The following PCDHGB5 variants were observed in gnomAD, a reference collection of about 807,000 sequenced individuals.
PCDHGB5 encodes the protein protocadherin gamma-B5.
Under a neutral mutation model 62.9 loss-of-function variants are expected in PCDHGB5, and 48 were observed. The observed-to-expected ratio is 0.76, with a 90% confidence interval of 0.61 to 0.97. The LOEUF (loss-of-function observed/expected upper bound fraction) is 0.97, where lower values mean the gene tolerates loss of function less well. PCDHGB5 is among the 50% of genes least tolerant of loss of function. The pLI is 0.00. For synonymous variants in PCDHGB5, 474 were observed against 511.2 expected (o/e 0.93, Z 0.98); for missense variants, 1,118 against 1,198.6 (o/e 0.93, Z 0.99).
intron 3 of PCDHGB5, among the ~76,000 whole-genome samples, chr5:141,509,766 G>A (rs1176830940): frequency 6.6e-6 from 1 of 152,104 alleles, no homozygotes; most frequent in Non-Finnish European, 1.5e-5. Flanking sequence ...TCCCTGAGAT[G>A]TCTAGTCCCC....
intron 1 of PCDHGB5, among the ~76,000 whole-genome samples, chr5:141,481,913 C>CAAAA (rs34114744): frequency 1.1e-5 from 1 of 90,846 alleles, no homozygotes; most frequent in African/African-American, 4.2e-5. Context: ...AACTCCATCT[C>CAAAA]AAAAAAAAAA....
At position 141,490,524 on chromosome 5, in the gene PCDHGB5, T is replaced by C. The variant is rs1197866164; in HGVS notation, c.2398-4283T>C. The C allele has an allele frequency of 1.2e-6, 2 of 1,613,990 alleles. No homozygotes were observed. Among genetic ancestry groups the C allele is most frequent in the Non-Finnish European group, 1.7e-6 (2 of 1,180,018 alleles). On this transcript the variant is annotated intron_variant, in intron 1 of 3. Transcript: ENST00000617380. The surrounding 1 kb of genome is among the most constrained non-coding windows in gnomAD (Gnocchi z 5.4). ...ATATCATCGAGCTGCTGGCCAGCGA[T>C]GCTGGTTCACCTTCCCTACACAAAC...
rs780836649 is a variant in PCDHGB5 at position 141,414,681 on chromosome 5, G to C, written c.2397+14157G>C. 38 of 1,613,836 alleles carry C rather than the reference G, an allele frequency of 2.4e-5. 1 individual carries two copies. The East Asian group carries it at 8.5e-4, about 36-fold the overall frequency. ...CCCTGGCTGAAGACACCATCCAGGG[G>C]GTACCTCTGTCCTCATACATATCCA... On this transcript the variant is annotated intron_variant, in intron 1 of 3. Coordinates refer to ENST00000617380, the MANE Select transcript of PCDHGB5 (RefSeq NM_018925.3).
chr5:141,445,115 A>G (rs1038787011), intron 1 of PCDHGB5, among the ~76,000 whole-genome samples: 1 of 152,308 alleles, frequency 6.6e-6, no homozygotes, highest in East Asian at 1.9e-4. Flanking sequence ...GTTATTGTAA[A>G]TAGTATTTTT....
At chr5:141,510,845 C>T (rs2099883036) in intron 3 of PCDHGB5, 102 bp from the exon 4 acceptor site, 3 of 1,593,960 alleles carry the variant, frequency 1.9e-6, no homozygotes, top group Non-Finnish European at 2.6e-6. Context: ...TGGTCAAGGC[C>T]CAGGGTGCTG....
In PCDHGB5 at chr5:141,487,107, T is replaced by C. The variant is rs1193091014; in HGVS notation, c.2398-7700T>C. 6.2e-7 allele frequency: 1 copy of C among 1,613,926 alleles called. No individual in the cohort carries two copies. The highest frequency in any genetic ancestry group is 8.5e-7 in the Non-Finnish European group (1 of 1,179,782). On this transcript the variant is annotated intron_variant, in intron 1 of 3. Transcript: ENST00000617380. This position sits in a 1 kb window ranked among gnomAD's most constrained non-coding sequence, Gnocchi z 5.0. ...GACCTCCCACCACAGAAGCTGGTCA[T>C]TGTGGTAAAGGATAGTGGTAGTCCA...
chr5:141,410,180 C>G (rs776702898), intron 1 of PCDHGB5: 43 of 1,613,802 alleles, frequency 2.7e-5, no homozygotes, highest in Non-Finnish European at 3.4e-5. Context: ...CACCGCCACG[C>G]TTCATCTGGT....
At chr5:141,509,077 C>A (rs1371396735) in intron 3 of PCDHGB5, among the ~76,000 whole-genome samples, 3 of 152,242 alleles carry the variant, frequency 2.0e-5, no homozygotes, top group Admixed American at 2.0e-4. Flanking sequence ...CGGGGATTTG[C>A]GACATGAAAT....
At position 141,490,819 on chromosome 5, in the gene PCDHGB5, C is replaced by T; in HGVS notation, c.2398-3988C>T. Reference sequence around the variant, plus strand: ...CCAGCGTACCTTTGACTATGAATTGCTGCAGATGCTGCAGATTGTGGTGGG... The same window carrying T: ...CCAGCGTACCTTTGACTATGAATTGTTGCAGATGCTGCAGATTGTGGTGGG... On this transcript the variant is annotated intron_variant, in intron 1 of 3. Transcript: ENST00000617380. This position sits in a 1 kb window ranked among gnomAD's most constrained non-coding sequence, Gnocchi z 5.4. 2 of 1,613,842 alleles carry T rather than the reference C, an allele frequency of 1.2e-6. No individual in the cohort carries two copies. Among genetic ancestry groups the T allele is most frequent in the Non-Finnish European group, 8.5e-7 (1 of 1,179,804 alleles).
intron 1 of PCDHGB5, among the ~76,000 whole-genome samples, chr5:141,446,394 A>C (rs796472404): frequency 1.1e-4 from 17 of 152,344 alleles, no homozygotes; most frequent in African/African-American, 3.4e-4. Context: ...ATTTAAGAGA[A>C]ATCGAGTTGA....
At chr5:141,502,483 G>A (rs773081419) in intron 2 of PCDHGB5, among the ~76,000 whole-genome samples, 42 of 152,144 alleles carry the variant, frequency 2.8e-4, no homozygotes, top group Non-Finnish European at 4.7e-4. Context: ...GCATCACACT[G>A]GGACTCATCT....
At chr5:141,426,925 A>G in intron 1 of PCDHGB5, 1 of 456,756 alleles carries the variant, frequency 2.2e-6, no homozygotes, top group Non-Finnish European at 4.4e-6. Flanking sequence ...GAAGCAATGG[A>G]CATGGGTGAC....
chr5:141,463,548 A>C (rs2099063677), intron 1 of PCDHGB5, among the ~76,000 whole-genome samples: 1 of 140,798 alleles, frequency 7.1e-6, no homozygotes, highest in Non-Finnish European at 1.5e-5. Context: ...TCCCGGGTTC[A>C]TGCCATTCTC....
At chr5:141,461,312 C>T (rs1318872213) in intron 1 of PCDHGB5, among the ~76,000 whole-genome samples, 1 of 152,064 alleles carries the variant, frequency 6.6e-6, no homozygotes, top group African/African-American at 2.4e-5. Flanking sequence ...TGTTTTTTGA[C>T]TTTTTAATAA....
intron 1 of PCDHGB5, chr5:141,414,180 A>T: frequency 6.2e-7 from 1 of 1,608,986 alleles, no homozygotes; most frequent in Non-Finnish European, 8.5e-7. Context: ...TTGCAACTGC[A>T]AAAGTGTTGA....
intron 1 of PCDHGB5, chr5:141,426,946 C>A (rs565370434): frequency 2.2e-6 from 1 of 456,786 alleles, no homozygotes; most frequent in South Asian, 1.5e-5. Flanking sequence ...CCAGTCCCAA[C>A]TGGCACTGCT....
intron 2 of PCDHGB5, among the ~76,000 whole-genome samples, chr5:141,501,159 C>G (rs1475164887): frequency 6.6e-6 from 1 of 152,096 alleles, no homozygotes; most frequent in East Asian, 1.9e-4. Context: ...GAGCCACCAT[C>G]CCCAGCCTCA....
At chr5:141,483,801 C>CT (rs1486591615) in intron 1 of PCDHGB5, among the ~76,000 whole-genome samples, 8 of 152,168 alleles carry the variant, frequency 5.3e-5, no homozygotes, top group Non-Finnish European at 8.8e-5. Flanking sequence ...GTTGTTGCTG[C>CT]TTTTTTTGGC....
rs1330713312 is a variant in PCDHGB5 at position 141,414,559 on chromosome 5, T to G, written c.2397+14035T>G. The stretch of plus-strand genomic sequence containing the variant: ...ACCTACCTTCTCTCAAGTCTCCTAC[T>G]TTACCTATATCCCAGAGAACAACGC... On this transcript the variant is annotated intron_variant, in intron 1 of 3. Coordinates refer to ENST00000617380, the MANE Select transcript of PCDHGB5 (RefSeq NM_018925.3). 5.0e-6 allele frequency: 8 copies of G among 1,613,782 alleles called. No homozygotes were observed. The Admixed American group carries it at 1.0e-4, about 20-fold the overall frequency.
Sources: allele counts gnomAD v4.1 joint callset (sites outside exome capture counted in the v4.1 genomes callset), GRCh38; gene constraint gnomAD v4.1.1; non-coding constraint Gnocchi (gnomAD v3.1); transcripts MANE v1.5; gene names NCBI Gene and HGNC (gene_info 2026-07-23, HGNC 2026-07-21).